The following RNLS variants were observed in gnomAD, a reference collection of about 807,000 sequenced individuals.
RNLS encodes renalase, FAD dependent amine oxidase.
In RNLS, 39 loss-of-function variants were observed where a neutral mutation model predicts 39.8. The observed-to-expected ratio is 0.98, with a 90% CI of 0.76 to 1.28. RNLS has a LOEUF of 1.28. RNLS is among the 50% of genes most tolerant of loss of function. The probability of loss-of-function intolerance (pLI) is 0.00; values close to 1 mark genes in which losing one functional copy is unlikely to be tolerated. For synonymous variants in RNLS, 147 were observed against 150.7 expected (o/e 0.98, Z 0.18); for missense variants, 410 against 413.3 (o/e 0.99, Z 0.07).
the RNLS span, among the ~76,000 whole-genome samples, chr10:88,183,503 T>G: frequency 6.6e-6 from 1 of 152,118 alleles, no homozygotes; most frequent in African/African-American, 2.4e-5. Flanking sequence ...TATTTGAAAT[T>G]AAAGTGTCGT....
chr10:88,245,667 TC>T, the RNLS span, among the ~76,000 whole-genome samples: 10 of 152,232 alleles, frequency 6.6e-5, no homozygotes, highest in African/African-American at 1.9e-4. Flanking sequence ...CAAATACTAT[TC>T]TATTTCATGA....
downstream of RNLS, among the ~76,000 whole-genome samples, chr10:88,269,799 A>G (rs72818063): frequency 0.037 from 5,629 of 152,264 alleles, 169 homozygotes; most frequent in African/African-American, 0.079. Context: ...AGAAGGTTTT[A>G]TTTGAATATA....
At chr10:88,381,458 G>GAATT (rs1247974557) in intron 4 of RNLS, among the ~76,000 whole-genome samples, 2 of 151,580 alleles carry the variant, frequency 1.3e-5, no homozygotes, top group African/African-American at 2.4e-5. Flanking sequence ...TAAAACTACT[G>GAATT]AATTATGTAT....
chr10:88,452,262 C>T (rs1842400437), intron 4 of RNLS, among the ~76,000 whole-genome samples: 1 of 152,120 alleles, frequency 6.6e-6, no homozygotes. Context: ...ATCAAGTGGT[C>T]ATGATCTTGT....
At chr10:88,539,636 T>C (rs987360679) in intron 4 of RNLS, among the ~76,000 whole-genome samples, 8 of 152,128 alleles carry the variant, frequency 5.3e-5, no homozygotes, top group African/African-American at 1.7e-4. Flanking sequence ...ACCACAGTTA[T>C]CCCTCAGTAC....
the RNLS span, among the ~76,000 whole-genome samples, chr10:88,197,267 G>A: frequency 1.4e-4 from 21 of 152,322 alleles, no homozygotes; most frequent in Admixed American, 1.2e-3. Context: ...ATTGGCAGCT[G>A]TTAGTATGAT....
intron 6 of RNLS, among the ~76,000 whole-genome samples, chr10:88,294,635 G>T (rs533609968): frequency 6.6e-6 from 1 of 152,180 alleles, no homozygotes; most frequent in East Asian, 1.9e-4. Context: ...AATGCAATTT[G>T]GTAAGAGATA....
chr10:88,553,648 C>T (rs891263332), intron 4 of RNLS, among the ~76,000 whole-genome samples: 2 of 152,146 alleles, frequency 1.3e-5, no homozygotes, highest in African/African-American at 4.8e-5. Flanking sequence ...ATATATAATG[C>T]ACTAAATTTA....
the RNLS span, among the ~76,000 whole-genome samples, chr10:88,195,528 C>A: frequency 6.6e-6 from 1 of 152,132 alleles, no homozygotes; most frequent in South Asian, 2.1e-4. Flanking sequence ...ACCCTGTAGA[C>A]CCTGTAGTTT....
chr10:88,532,263 A>T (rs1029815575), intron 4 of RNLS, among the ~76,000 whole-genome samples: 1 of 152,058 alleles, frequency 6.6e-6, no homozygotes, highest in Non-Finnish European at 1.5e-5. Flanking sequence ...AAGACTTAGA[A>T]TATGGAATAT....
At chr10:88,328,256 T>C (rs1048045842) in intron 5 of RNLS, among the ~76,000 whole-genome samples, 1 of 147,004 alleles carries the variant, frequency 6.8e-6, no homozygotes, top group Non-Finnish European at 1.5e-5. Context: ...ATTGATTGTA[T>C]AGTTCTCATG....
At chr10:88,369,500 T>C (rs939671155) in intron 4 of RNLS, among the ~76,000 whole-genome samples, 1 of 152,170 alleles carries the variant, frequency 6.6e-6, no homozygotes, top group African/African-American at 2.4e-5. Context: ...CTAAAGTTCC[T>C]TTCAGGTGGC....
chr10:88,457,052 A>G (rs935989825), intron 4 of RNLS, among the ~76,000 whole-genome samples: 3 of 152,188 alleles, frequency 2.0e-5, no homozygotes, highest in African/African-American at 7.2e-5. Context: ...TTAAAAATCC[A>G]CAAGTTTTAG....
intron 4 of RNLS, among the ~76,000 whole-genome samples, chr10:88,523,406 A>C (rs2134205637): frequency 6.6e-6 from 1 of 152,256 alleles, no homozygotes; most frequent in Middle Eastern, 3.4e-3. Context: ...AATATGTTAC[A>C]TACTTTCTGA....
chr10:88,539,777 A>G (rs189659289), intron 4 of RNLS, among the ~76,000 whole-genome samples: 12 of 152,288 alleles, frequency 7.9e-5, no homozygotes. Flanking sequence ...GAAATCACAT[A>G]AAAGAAACAT....
At chr10:88,235,802 G>T in the RNLS span, among the ~76,000 whole-genome samples, 1 of 151,844 alleles carries the variant, frequency 6.6e-6, no homozygotes, top group Admixed American at 6.6e-5. Flanking sequence ...GAGAGATAGA[G>T]AGGTTTTTTG....
chr10:88,579,736 G>GTGTC (rs1850424909), intron 3 of RNLS, among the ~76,000 whole-genome samples: 1 of 152,134 alleles, frequency 6.6e-6, no homozygotes, highest in African/African-American at 2.4e-5. Context: ...ACGTCCAATA[G>GTGTC]TGTCACCATC....
At chr10:88,548,040 G>C (rs1443899475) in intron 4 of RNLS, among the ~76,000 whole-genome samples, 1 of 149,888 alleles carries the variant, frequency 6.7e-6, no homozygotes, top group Non-Finnish European at 1.5e-5. Context: ...GGCGGGGAGG[G>C]TGCCTGAGCT....
At chr10:88,418,598 GAAA>G (rs1355225934) in intron 4 of RNLS, among the ~76,000 whole-genome samples, 3 of 27,376 alleles carry the variant, frequency 1.1e-4, no homozygotes, top group African/African-American at 4.6e-4. Flanking sequence ...ATATCCTGAA[GAAA>G]TAGCTAAAAA....
Sources: gnomAD v4.1 joint callset for allele counts (sites outside exome capture counted in the v4.1 genomes callset) on GRCh38, gnomAD v4.1.1 for gene constraint, MANE v1.5 for transcripts, NCBI Gene and HGNC (gene_info 2026-07-23, HGNC 2026-07-21) for gene names.